The following FARS2 variants were observed in gnomAD, a reference collection of about 807,000 sequenced individuals.
FARS2 encodes the protein phenylalanyl-tRNA synthetase 2, mitochondrial.
Under a neutral mutation model 46.4 loss-of-function variants are expected in FARS2, and 40 were observed. The ratio of observed to expected loss-of-function variants is 0.86; its 90% CI spans 0.67 to 1.12. The LOEUF (loss-of-function observed/expected upper bound fraction) is 1.12. Ranked by LOEUF, FARS2 falls within the 50% of genes most tolerant of loss-of-function variation. The probability of loss-of-function intolerance (pLI) is 0.00; values close to 1 mark genes in which losing one functional copy is unlikely to be tolerated. For missense variants in FARS2, 513 were observed against 567.9 expected (o/e 0.90, Z 0.98); for synonymous variants, 234 against 214.9 (o/e 1.09, Z -0.78).
intron 1 of FARS2, chr6:5,291,172 G>T (rs918921884): frequency 6.6e-6 from 1 of 152,178 alleles, no homozygotes; most frequent in African/African-American, 2.4e-5. Flanking sequence ...TGAAGAACAG[G>T]CTTTGTTAGC....
At chr6:5,502,605 A>G (rs377605817) in intron 4 of FARS2, among the ~76,000 whole-genome samples, 2 of 152,236 alleles carry the variant, frequency 1.3e-5, no homozygotes, top group East Asian at 3.8e-4. Context: ...AGGCTTCACA[A>G]TTTTTAAAAT....
At chr6:5,429,251 C>T (rs891120722) in intron 3 of FARS2, among the ~76,000 whole-genome samples, 1 of 151,910 alleles carries the variant, frequency 6.6e-6, no homozygotes, top group African/African-American at 2.4e-5. Context: ...TAATGTTTGT[C>T]TATTTAACAC....
chr6:5,435,710 C>T (rs751111926), intron 4 of FARS2, among the ~76,000 whole-genome samples: 16 of 152,150 alleles, frequency 1.1e-4, no homozygotes, highest in African/African-American at 3.1e-4. Context: ...TGGAGCACCG[C>T]GTCCAAAACC....
At position 5,727,355 on chromosome 6, in the gene FARS2, C is replaced by T. The variant is rs900980425; in HGVS notation, c.1218-43936C>T. Among the ~76,000 whole-genome samples, 4 of 152,228 alleles carry T rather than the reference C, an allele frequency of 2.6e-5. No individual in the cohort carries two copies. The highest frequency in any genetic ancestry group is 4.8e-5 in the African/African-American group (2 of 41,460). ...CACTGCGTTTGTGCCTGTCTCACAG[C>T]GCCTGCTACTTTCTCTGAGGCAGTG... is the stretch of plus-strand genomic sequence containing the variant. On this transcript the variant is annotated intron_variant, in intron 6 of 6. Transcript: ENST00000274680. The surrounding 1 kb of genome is among the most constrained non-coding windows in gnomAD (Gnocchi z 4.1).
intron 4 of FARS2, among the ~76,000 whole-genome samples, chr6:5,528,990 T>C (rs1467962337): frequency 6.6e-6 from 1 of 152,150 alleles, no homozygotes; most frequent in Non-Finnish European, 1.5e-5. Flanking sequence ...AATCTGGAAA[T>C]GCCTATCTTC....
chr6:5,507,542 G>T (rs1419758056), intron 4 of FARS2, among the ~76,000 whole-genome samples: 4 of 152,230 alleles, frequency 2.6e-5, no homozygotes. Flanking sequence ...CCTGACAGGA[G>T]TGTGTAATTG....
At chr6:5,629,878 A>C (rs1324937295) in intron 6 of FARS2, among the ~76,000 whole-genome samples, 2 of 152,110 alleles carry the variant, frequency 1.3e-5, no homozygotes, top group Non-Finnish European at 2.9e-5. Context: ...CGTGGGGATG[A>C]AGAAACCACA....
At chr6:5,378,240 T>G (rs1430959374) in intron 2 of FARS2, among the ~76,000 whole-genome samples, 1 of 151,954 alleles carries the variant, frequency 6.6e-6, no homozygotes, top group South Asian at 2.1e-4. Flanking sequence ...ACTTACACGT[T>G]TGAGAACCAC....
chr6:5,485,526 G>C (rs1766723519), intron 4 of FARS2, among the ~76,000 whole-genome samples: 1 of 134,866 alleles, frequency 7.4e-6, no homozygotes, highest in Non-Finnish European at 1.6e-5. Context: ...TTCCTGGGGG[G>C]CAGTGACTGT....
At chr6:5,412,625 C>T (rs1301030174) in intron 3 of FARS2, among the ~76,000 whole-genome samples, 2 of 152,072 alleles carry the variant, frequency 1.3e-5, no homozygotes, top group Non-Finnish European at 2.9e-5. Context: ...ATCCATGAGG[C>T]TCTATTAGTA....
intron 1 of FARS2, among the ~76,000 whole-genome samples, chr6:5,344,961 T>C (rs750253987): frequency 1.3e-5 from 2 of 151,960 alleles, no homozygotes; most frequent in Admixed American, 1.3e-4. Context: ...GACTAATTTT[T>C]TTATATTTTT....
intron 4 of FARS2, among the ~76,000 whole-genome samples, chr6:5,540,090 G>A (rs935152461): frequency 8.5e-5 from 13 of 152,166 alleles, no homozygotes; most frequent in African/African-American, 2.9e-4. Context: ...CACCTGTCCC[G>A]CTTGGCAGTG....
At chr6:5,410,760 A>T (rs945655175) in intron 3 of FARS2, among the ~76,000 whole-genome samples, 2 of 152,180 alleles carry the variant, frequency 1.3e-5, no homozygotes, top group Non-Finnish European at 2.9e-5. Flanking sequence ...TGTTTTTCAG[A>T]TGTTGTATTG....
intron 6 of FARS2, among the ~76,000 whole-genome samples, chr6:5,663,927 A>G (rs1475861130): frequency 6.6e-6 from 1 of 152,154 alleles, no homozygotes; most frequent in African/African-American, 2.4e-5. Flanking sequence ...GAAAGGATGG[A>G]TGCACGCTGG....
chr6:5,470,986 C>T (rs1172995311), intron 4 of FARS2, among the ~76,000 whole-genome samples: 1 of 152,146 alleles, frequency 6.6e-6, no homozygotes, highest in Non-Finnish European at 1.5e-5. Flanking sequence ...TTATAACAGC[C>T]AGTCTATTAT....
rs77183542 is a variant in FARS2 at position 5,307,298 on chromosome 6, G to C, written c.-22+45638G>C. On this transcript the variant is annotated intron_variant, in intron 1 of 6. Transcript: ENST00000274680. ...GATGAGTTGGCTGTCTCTTCACTCAGTGGAGGCCAGGCCTCTTCTTTCATT... is the reference window on the plus strand; with the variant it reads ...GATGAGTTGGCTGTCTCTTCACTCACTGGAGGCCAGGCCTCTTCTTTCATT... Among the ~76,000 whole-genome samples, 967 of 152,262 alleles carry C rather than the reference G, an allele frequency of 6.4e-3. 12 individuals are homozygous for C. The highest frequency in any genetic ancestry group is 0.022 in the African/African-American group (916 of 41,546).
At chr6:5,626,716 G>A (rs1395128597) in intron 6 of FARS2, among the ~76,000 whole-genome samples, 1 of 152,152 alleles carries the variant, frequency 6.6e-6, no homozygotes, top group Non-Finnish European at 1.5e-5. Flanking sequence ...TCAGAGATGA[G>A]GACAAAATCA....
At chr6:5,370,435 A>G (rs996064322) in intron 2 of FARS2, among the ~76,000 whole-genome samples, 8 of 152,288 alleles carry the variant, frequency 5.3e-5, no homozygotes, top group South Asian at 2.1e-4. Flanking sequence ...TAATAAGGAT[A>G]TAGATTTATT....
chr6:5,491,469 G>T (rs1767105379), intron 4 of FARS2, among the ~76,000 whole-genome samples: 1 of 152,082 alleles, frequency 6.6e-6, no homozygotes, highest in Non-Finnish European at 1.5e-5. Context: ...TTTTCCTAAA[G>T]TGACGTCGAG....
Sources: allele counts gnomAD v4.1 joint callset (sites outside exome capture counted in the v4.1 genomes callset), GRCh38; gene constraint gnomAD v4.1.1; non-coding constraint Gnocchi (gnomAD v3.1); transcripts MANE v1.5; gene names NCBI Gene and HGNC (gene_info 2026-07-23, HGNC 2026-07-21).